Variants in B3GALNT2 observed in about 807,000 individuals in gnomAD.
B3GALNT2 encodes the protein beta-1,3-N-acetylgalactosaminyltransferase 2.
In B3GALNT2, 53 loss-of-function variants were observed where a neutral mutation model predicts 61.1. The observed-to-expected ratio is 0.87, with a 90% CI of 0.70 to 1.09. The LOEUF is 1.09. B3GALNT2 is among the 50% of genes least tolerant of loss of function. The pLI is 0.00. For missense variants in B3GALNT2, 544 were observed against 623.0 expected (o/e 0.87, Z 1.35); for synonymous variants, 223 against 237.4 (o/e 0.94, Z 0.56).
At chr1:235,440,174 G>T in the B3GALNT2 span, among the ~76,000 whole-genome samples, 1 of 152,108 alleles carries the variant, frequency 6.6e-6, no homozygotes, top group Non-Finnish European at 1.5e-5. Flanking sequence ...GTTTCACCGT[G>T]TTAGCCAGGA....
chr1:235,465,569 C>T, intron 7 of B3GALNT2, 67 bp downstream of exon 7: 1 of 1,556,914 alleles, frequency 6.4e-7, no homozygotes, highest in Non-Finnish European at 8.7e-7. Context: ...AAATCCTTTT[C>T]TCTCAAGTAT....
Position 235,480,020 on chromosome 1 carries a change from A to G in B3GALNT2, c.651+34T>C, listed in dbSNP as rs201011292. On this transcript the variant is annotated intron_variant, in intron 5 of 11. Coordinates refer to ENST00000366600, the MANE Select transcript of B3GALNT2 (RefSeq NM_152490.5). ...CACGCCCACTCCTATGAAGGACTGC[A>G]TTGGTACTACAGTCTTTTCCTGCCA... 8 of 1,611,948 alleles carry G rather than the reference A, an allele frequency of 5.0e-6. No homozygotes were observed. In the African/African-American group the frequency reaches 9.4e-5, roughly 19 times the overall value.
In B3GALNT2 at chr1:235,458,653, A is replaced by G; in HGVS notation, c.975T>C (p.Val325=). The change falls in exon 8 of 12, where the codon GTT becomes GTC. Residue 325 remains valine (V), a synonymous_variant. Coordinates refer to ENST00000366600, the MANE Select transcript of B3GALNT2 (RefSeq NM_152490.5). ...SIYDDIVFVD[V]VDTYRNVPAK... ...CAGGAACATTACGATAAGTGTCGAC[A>G]ACATCCACAAAAACAATATCATCAT... 1 of 1,612,862 alleles carries G rather than the reference A, an allele frequency of 6.2e-7. No homozygotes were observed. Among genetic ancestry groups the G allele is most frequent in the Non-Finnish European group, 8.5e-7 (1 of 1,179,624 alleles).
Position 235,495,781 on chromosome 1 carries a change from C to T in B3GALNT2, c.113-953G>A, listed in dbSNP as rs542651020. On this transcript the variant is annotated intron_variant, in intron 1 of 11. Coordinates refer to ENST00000366600, the MANE Select transcript of B3GALNT2 (RefSeq NM_152490.5). ...TCCAGTGGTGGGAACTGATCCAAAA[C>T]GTTTCCAAAAATAAATTATTGAAGC... Among the ~76,000 whole-genome samples the T allele has an allele frequency of 5.9e-5, 9 of 152,150 alleles. No individual in the cohort carries two copies. In the South Asian group the frequency reaches 1.5e-3, roughly 25 times the overall value.
intron 1 of B3GALNT2, chr1:235,496,239 A>G: frequency 3.8e-6 from 1 of 259,862 alleles, no homozygotes; most frequent in Non-Finnish European, 7.3e-6. Context: ...TGAACCCGGG[A>G]GGTGGAGGTT....
Position 235,448,258 on chromosome 1 carries a change from T to C in B3GALNT2, c.*1948A>G, listed in dbSNP as rs558961248. The stretch of plus-strand genomic sequence containing the variant: ...AAAAAAAAGACAGATACAGCTATCA[T>C]TGCAATGATACTGTGGTCTCATCAC... On this transcript the variant is annotated 3_prime_UTR_variant, in exon 12 of 12. Transcript: ENST00000366600. The C allele has an allele frequency of 1.1e-5, 10 of 927,054 alleles. No homozygotes were observed. The East Asian group carries it at 2.2e-4, about 20-fold the overall frequency. 57.4% of individuals were successfully genotyped at this position (927,054 alleles called of 1,614,324 possible).
downstream of B3GALNT2, among the ~76,000 whole-genome samples, chr1:235,443,221 A>G (rs1558395364): frequency 6.6e-6 from 1 of 151,670 alleles, no homozygotes; most frequent in Non-Finnish European, 1.5e-5. Flanking sequence ...ATTTTTTTTG[A>G]GACAGGGCCT....
At chr1:235,485,494 T>TG (rs1463795721) in intron 3 of B3GALNT2, among the ~76,000 whole-genome samples, 2 of 152,072 alleles carry the variant, frequency 1.3e-5, no homozygotes, top group East Asian at 1.9e-4. Flanking sequence ...TTTGTAGAGA[T>TG]GGGGGTCTCA....
intron 9 of B3GALNT2, among the ~76,000 whole-genome samples, chr1:235,454,837 G>A (rs186954960): frequency 6.6e-6 from 1 of 152,262 alleles, no homozygotes; most frequent in Admixed American, 6.5e-5. Flanking sequence ...AGTTGCATTT[G>A]TAGAGTTTCT....
chr1:235,465,763 G>A (rs1376574548), intron 6 of B3GALNT2, 49 bp from the exon 7 acceptor site: 2 of 1,588,230 alleles, frequency 1.3e-6, no homozygotes, highest in South Asian at 2.3e-5. Context: ...AAAATACACT[G>A]ATCATATTTT....
rs1441618624 is a variant in B3GALNT2 at position 235,447,524 on chromosome 1, G to A, written c.*2682C>T. 6.6e-6 allele frequency among the ~76,000 whole-genome samples: 1 copy of A among 152,170 alleles called. No homozygotes were observed. Among genetic ancestry groups the A allele is most frequent in the Admixed American group, 6.5e-5 (1 of 15,280 alleles). On this transcript the variant is annotated 3_prime_UTR_variant, in exon 12 of 12. Coordinates refer to ENST00000366600, the MANE Select transcript of B3GALNT2 (RefSeq NM_152490.5). ...GTGTATGTTTAATACAGTTACACAT[G>A]ATGTAATTACAGAATGGCGGCGCTG...
intron 7 of B3GALNT2, among the ~76,000 whole-genome samples, chr1:235,461,077 T>A (rs1417310352): frequency 6.6e-6 from 1 of 151,978 alleles, no homozygotes; most frequent in African/African-American, 2.4e-5. Flanking sequence ...TAAAGAAAAA[T>A]TTTGAAAAAT....
At chr1:235,442,842 T>C (rs1452329553), downstream of B3GALNT2, 4 of 1,613,576 alleles carry the variant, frequency 2.5e-6, no homozygotes, top group African/African-American at 5.3e-5. Context: ...TTTCTTTGTT[T>C]CTCTTAAAGC....
At chr1:235,489,006 T>A (rs1454513520) in intron 3 of B3GALNT2, among the ~76,000 whole-genome samples, 162 bp downstream of exon 3, 1 of 152,024 alleles carries the variant, frequency 6.6e-6, no homozygotes, top group African/African-American at 2.4e-5. Flanking sequence ...GCCATGACTA[T>A]GCCACTGCAC....
chr1:235,463,662 G>A (rs761519454), intron 7 of B3GALNT2: 11 of 150,198 alleles, frequency 7.3e-5, no homozygotes, highest in South Asian at 2.1e-4. Context: ...TGCCTCCCAG[G>A]TTCAAGCGAT....
In B3GALNT2 at chr1:235,448,220, CAAAAAA is replaced by C. The variant is rs59405398; in HGVS notation, c.*1980_*1985del. ...CTTAAGTAAGTAAGTAAGTCAGTCT[CAAAAAA>C]AAAAAAAAAAAAAAGACAGATACAG... On this transcript the variant is annotated 3_prime_UTR_variant, in exon 12 of 12. Coordinates refer to ENST00000366600, the MANE Select transcript of B3GALNT2 (RefSeq NM_152490.5). 6.8e-5 allele frequency: 36 copies of C among 530,866 alleles called. No homozygotes were observed. Among genetic ancestry groups the C allele is most frequent in the African/African-American group, 1.2e-4 (4 of 32,148 alleles). 32.9% of individuals were successfully genotyped at this position (530,866 alleles called of 1,614,324 possible).
intron 10 of B3GALNT2, 102 bp downstream of exon 10, chr1:235,454,054 G>C (rs1683052792): frequency 8.9e-7 from 1 of 1,122,194 alleles, no homozygotes; most frequent in African/African-American, 1.6e-5. Context: ...ACCCAGGCTG[G>C]TCTTGAATTC....
chr1:235,471,394 G>A (rs893156111), intron 5 of B3GALNT2, among the ~76,000 whole-genome samples: 1 of 152,154 alleles, frequency 6.6e-6, no homozygotes, highest in Non-Finnish European at 1.5e-5. Flanking sequence ...ATGTAGGCAT[G>A]TTTTGGTGTA....
At chr1:235,456,614 G>A (rs1384348487) in intron 8 of B3GALNT2, among the ~76,000 whole-genome samples, 1 of 152,212 alleles carries the variant, frequency 6.6e-6, no homozygotes, top group Non-Finnish European at 1.5e-5. Flanking sequence ...CTCATTTGTA[G>A]TGTGGAGATG....
Sources: allele counts gnomAD v4.1 joint callset (sites outside exome capture counted in the v4.1 genomes callset), GRCh38; gene constraint gnomAD v4.1.1; transcripts MANE v1.5; gene names NCBI Gene and HGNC (gene_info 2026-07-23, HGNC 2026-07-21).